The following CFAP57 variants were observed in gnomAD, a reference collection of about 807,000 sequenced individuals.
CFAP57 encodes the protein cilia- and flagella-associated protein 57.
CFAP57 carries 116 observed loss-of-function variants against 146.8 expected under a neutral mutation model. That is an observed-to-expected ratio of 0.79 (90% CI 0.68 to 0.92). The LOEUF (loss-of-function observed/expected upper bound fraction) is 0.92, where lower values mean the gene tolerates loss of function less well. Ranked by LOEUF, CFAP57 falls within the 40% of genes least tolerant of loss-of-function variation. CFAP57 has a pLI of 0.00. For missense variants in CFAP57, 1,377 were observed against 1,527.2 expected, an observed-to-expected ratio of 0.90 and a Z score of 1.64; for synonymous variants, 518 against 552.8, an observed-to-expected ratio of 0.94 and a Z score of 0.88.
chr1:43,247,705 C>T (rs558705694), intron 22 of CFAP57, among the ~76,000 whole-genome samples: 3 of 152,326 alleles, frequency 2.0e-5, no homozygotes, highest in African/African-American at 7.2e-5. Flanking sequence ...TCTAAACTTT[C>T]TAATTTCTCT....
At chr1:43,223,996 A>C (rs1199953885) in intron 16 of CFAP57, 50 bp from the exon 17 acceptor site, 11 of 1,544,650 alleles carry the variant, frequency 7.1e-6, no homozygotes, top group Non-Finnish European at 5.2e-6. Context: ...GGAGGGATGG[A>C]GATGAGTTCT....
intron 2 of CFAP57, among the ~76,000 whole-genome samples, chr1:43,175,301 A>G (rs543652228): frequency 7.0e-4 from 107 of 152,078 alleles, no homozygotes; most frequent in Non-Finnish European, 1.1e-3. Flanking sequence ...ACCATATACT[A>G]TATGTACATG....
At position 43,222,257 on chromosome 1, in the gene CFAP57, G is replaced by A. The variant is rs373207612; in HGVS notation, c.2494G>A (p.Glu832Lys). Residue 832 changes from glutamate (E) to lysine (K), a missense_variant, in exon 15 of 23, where the codon GAG (glutamate) becomes AAG (lysine). By Grantham distance (56) the Glu-to-Lys change is moderately conservative. Coordinates refer to ENST00000372492, the MANE Select transcript of CFAP57 (RefSeq NM_001378189.1). ...QALEELTEFYEAKLQEKTTLL... is the reference protein window; with the variant it reads ...QALEELTEFYKAKLQEKTTLL... ...CCTGGAGGAGCTGACTGAGTTTTAC[G>A]AGGCAAAACTGCAGGAGAAAACCAC... 6.8e-5 allele frequency: 100 copies of A among 1,475,630 alleles called. No individual in the cohort carries two copies. In the African/African-American group the frequency reaches 1.1e-3, roughly 16 times the overall value. The allele number at this position is 1,475,630 out of a possible 1,614,324, so 91.4% of individuals were successfully genotyped here. A position where few individuals can be genotyped will look rare whatever the true frequency, so the allele number is the denominator to read the frequency against.
chr1:43,177,938 G>C (rs1645235954), intron 2 of CFAP57, among the ~76,000 whole-genome samples: 1 of 152,194 alleles, frequency 6.6e-6, no homozygotes, highest in Non-Finnish European at 1.5e-5. Context: ...AGTGAGCTCT[G>C]AGCACTCCTG....
Position 43,181,858 on chromosome 1 carries a change from G to A in CFAP57, c.474+8G>A, listed in dbSNP as rs370689418. ...AACAACCCTGTCTACCAGGTACCTA[G>A]TAGTGTGACAAGTATCGTGAAAATT... On this transcript the variant is annotated splice_region_variant and intron_variant, in intron 3 of 22. Transcript: ENST00000372492. The A allele has an allele frequency of 5.6e-6, 9 of 1,613,750 alleles. No individual in the cohort carries two copies. Among genetic ancestry groups the A allele is most frequent in the Non-Finnish European group, 6.8e-6 (8 of 1,179,742 alleles).
intron 12 of CFAP57, among the ~76,000 whole-genome samples, chr1:43,218,096 A>G (rs1331038361): frequency 6.6e-6 from 1 of 152,222 alleles, no homozygotes; most frequent in Non-Finnish European, 1.5e-5. Flanking sequence ...AAATGTGCGT[A>G]ATCCATTCCT....
intron 2 of CFAP57, among the ~76,000 whole-genome samples, chr1:43,180,981 CT>C (rs1231433549): frequency 6.6e-6 from 1 of 152,168 alleles, no homozygotes; most frequent in Non-Finnish European, 1.5e-5. Flanking sequence ...TTCCTGCTAT[CT>C]ACCACCCAGT....
chr1:43,215,190 G>T, intron 11 of CFAP57, 65 bp from the exon 12 acceptor site: 1 of 1,541,332 alleles, frequency 6.5e-7, no homozygotes, highest in Non-Finnish European at 8.8e-7. Flanking sequence ...TTGCGCAACA[G>T]CTGGCTCAGC....
chr1:43,246,052 A>G (rs6664891), intron 22 of CFAP57, among the ~76,000 whole-genome samples: 52,048 of 152,172 alleles, frequency 0.34, 10,305 homozygotes, highest in East Asian at 0.58. Context: ...GAAATTAAAT[A>G]CCAGTAAGTG....
intron 6 of CFAP57, chr1:43,194,822 ATTC>A (rs1643758761): frequency 6.6e-6 from 1 of 151,980 alleles, no homozygotes; most frequent in South Asian, 2.1e-4. Context: ...GGATCCTTTT[ATTC>A]TTCTCTATTT....
At chr1:43,219,234 T>C (rs1439289762) in intron 12 of CFAP57, 148 bp from the exon 13 acceptor site, 1 of 851,794 alleles carries the variant, frequency 1.2e-6, no homozygotes, top group African/African-American at 1.7e-5. Flanking sequence ...CTGATGTGCC[T>C]TCTGGGGAAA....
chr1:43,225,364 G>T (rs1221676094), intron 17 of CFAP57, among the ~76,000 whole-genome samples: 1 of 152,182 alleles, frequency 6.6e-6, no homozygotes, highest in Non-Finnish European at 1.5e-5. Context: ...GAGGCCATGT[G>T]GTCTGTCTCA....
chr1:43,219,648 T>C, intron 13 of CFAP57, 111 bp downstream of exon 13: 2 of 1,333,272 alleles, frequency 1.5e-6, no homozygotes, highest in Non-Finnish European at 2.1e-6. Flanking sequence ...TATGTGAAAA[T>C]GTCCAATTTT....
intron 21 of CFAP57, among the ~76,000 whole-genome samples, chr1:43,236,227 T>G (rs1235207778): frequency 6.7e-6 from 1 of 150,174 alleles, no homozygotes; most frequent in African/African-American, 2.5e-5. Flanking sequence ...CTCCAGCAAC[T>G]GCAGGGAGTA....
chr1:43,211,296 C>A (rs1368422839), intron 11 of CFAP57, among the ~76,000 whole-genome samples: 1 of 152,074 alleles, frequency 6.6e-6, no homozygotes, highest in Non-Finnish European at 1.5e-5. Context: ...AAAATCCTTG[C>A]CAGGCGCAGT....
At chr1:43,204,141 A>G (rs1052342365) in intron 9 of CFAP57, among the ~76,000 whole-genome samples, 1 of 152,128 alleles carries the variant, frequency 6.6e-6, no homozygotes, top group African/African-American at 2.4e-5. Flanking sequence ...CGTTTTGGTT[A>G]TTGTACTTTT....
At chr1:43,216,792 A>G (rs1432946506) in intron 12 of CFAP57, among the ~76,000 whole-genome samples, 3 of 152,202 alleles carry the variant, frequency 2.0e-5, no homozygotes, top group African/African-American at 7.2e-5. Flanking sequence ...TAGTCTAAGT[A>G]ACTCTCAGGC....
At chr1:43,206,486 G>A (rs557186257) in intron 9 of CFAP57, 22 of 556,256 alleles carry the variant, frequency 4.0e-5, no homozygotes, top group African/African-American at 2.1e-4. Flanking sequence ...CAGTCTTTAC[G>A]TTCATAAAGT....
chr1:43,172,723 G>T lies in CFAP57; in HGVS notation c.-19-12G>T. The T allele has an allele frequency of 6.2e-7, 1 of 1,613,344 alleles. No individual in the cohort carries two copies. The highest frequency in any genetic ancestry group is 8.5e-7 in the Non-Finnish European group (1 of 1,179,946). ...GCTCTCCACTCTGAAGCGCTGCCTT[G>T]GTCTTCAGCAGAACTGTTTGGCGGG... On this transcript the variant is annotated splice_polypyrimidine_tract_variant and intron_variant, in intron 1 of 22. Transcript: ENST00000372492.
Sources: allele counts gnomAD v4.1 joint callset (sites outside exome capture counted in the v4.1 genomes callset), GRCh38; gene constraint gnomAD v4.1.1; transcripts MANE v1.5; gene names NCBI Gene and HGNC (gene_info 2026-07-23, HGNC 2026-07-21).